PANK4: variants seen among roughly 807,000 people sequenced by gnomAD.
PANK4 encodes the protein pantothenate kinase 4 (inactive).
PANK4 carries 40 observed loss-of-function variants against 87.9 expected under a neutral mutation model. The ratio of observed to expected loss-of-function variants is 0.46; its 90% CI spans 0.35 to 0.59. The LOEUF (loss-of-function observed/expected upper bound fraction) is 0.59. Ranked by LOEUF, PANK4 falls within the 20% of genes least tolerant of loss-of-function variation. The pLI is 0.00. For missense variants in PANK4, 926 were observed against 1,072.3 expected, an observed-to-expected ratio of 0.86 and a Z score of 1.90; for synonymous variants, 524 against 467.4, an observed-to-expected ratio of 1.12 and a Z score of -1.56.
chr1:2,510,076 C>T lies in PANK4; in HGVS notation c.2020G>A (p.Gly674Ser), dbSNP rs752153802. The T allele has an allele frequency of 1.9e-6, 3 of 1,610,506 alleles. No individual in the cohort carries two copies. The highest frequency in any genetic ancestry group is 2.5e-6 in the Non-Finnish European group (3 of 1,178,828). The change falls in exon 17 of 19, where the codon GGC becomes AGC. Residue 674 changes from glycine to serine, a missense_variant. By Grantham distance (56) the Gly-to-Ser change is moderately conservative. Coordinates refer to ENST00000378466, the MANE Select transcript of PANK4 (RefSeq NM_018216.4). This position sits in a 1 kb window ranked among gnomAD's most constrained non-coding sequence, Gnocchi z 4.9. ...ACTCACTGCACGACAGGGTCCATGC[C>T]CGCAATACGCTCTGCCACGATGAGG... ...ESLIVAERIA[G>S]MDPVVHSALQ...
At chr1:2,511,602 G>A (rs1230453205) in intron 14 of PANK4, 26 bp downstream of exon 14, 3 of 1,546,806 alleles carry the variant, frequency 1.9e-6, no homozygotes, top group East Asian at 4.5e-5. Flanking sequence ...ACAAGGCAAG[G>A]CCCCAAGTTA....
intron 13 of PANK4, among the ~76,000 whole-genome samples, chr1:2,511,929 C>T (rs963649757): frequency 6.6e-6 from 1 of 152,200 alleles, no homozygotes; most frequent in Admixed American, 6.5e-5. Context: ...GAGGCAGCTG[C>T]TCAACGTGAA....
intron 11 of PANK4, 104 bp from the exon 12 acceptor site, chr1:2,514,193 A>G (rs774176025): frequency 1.9e-5 from 22 of 1,184,214 alleles, no homozygotes; most frequent in Non-Finnish European, 2.6e-5. Context: ...CCGGCAGTGC[A>G]AACGCTGCTT....
Position 2,510,475 on chromosome 1 carries a change from G to A in PANK4, c.1938+203C>T. On this transcript the variant is annotated intron_variant, in intron 16 of 18. Transcript: ENST00000378466. This position sits in a 1 kb window ranked among gnomAD's most constrained non-coding sequence, Gnocchi z 4.9. ...GCGTCAACCCTGGGCTTCAGCACAT[G>A]GACCCTCAGCCTGAGCCCAGGGGGC... The A allele has an allele frequency of 1.7e-6, 1 of 602,644 alleles. No homozygotes were observed. The highest frequency in any genetic ancestry group is 3.0e-6 in the Non-Finnish European group (1 of 338,724). The allele number at this position is 602,644 out of a possible 1,614,324, so 37.3% of individuals were successfully genotyped here.
intron 1 of PANK4, chr1:2,525,771 G>C (rs762111861): frequency 1.3e-5 from 2 of 152,362 alleles, no homozygotes; most frequent in Non-Finnish European, 2.9e-5. Flanking sequence ...GTCTGCAGCG[G>C]ACCCTGGAGA....
rs757754115 is a variant in PANK4 at position 2,519,826 on chromosome 1, G to A, written c.828C>T (p.Phe276=). 34 of 1,580,536 alleles carry A rather than the reference G, an allele frequency of 2.2e-5. No individual in the cohort carries two copies. Among genetic ancestry groups the A allele is most frequent in the Non-Finnish European group, 2.8e-5 (33 of 1,164,376 alleles). ...CTTGGTCGGCGGTGGCCGACTTCCC[G>A]AAGCTGCTGGCGATGAGGTTCCCGC... ...GLSGNLIASS[F]GKSATADQEF... is the part of the protein sequence containing the mutation. Residue 276 remains phenylalanine, a synonymous_variant, in exon 6 of 19, where the codon TTC becomes TTT. Transcript: ENST00000378466. The surrounding 1 kb of genome is among the most constrained non-coding windows in gnomAD (Gnocchi z 8.3).
At chr1:2,521,671 A>G (rs371545640) in intron 2 of PANK4, 47 bp downstream of exon 2, 1 of 1,433,574 alleles carries the variant, frequency 7.0e-7, no homozygotes, top group African/African-American at 1.4e-5. Context: ...GTCCAAGACG[A>G]CAGAGAAGCG....
chr1:2,508,838 T>C lies in PANK4; in HGVS notation c.*9A>G, dbSNP rs773976983. The stretch of plus-strand genomic sequence containing the variant: ...GTGACAAGCAGAAGAGTCCGGCAGC[T>C]GCAGCGCCTCACTCGGCTGGGACCT... On this transcript the variant is annotated 3_prime_UTR_variant, in exon 19 of 19. Transcript: ENST00000378466. This position sits in a 1 kb window ranked among gnomAD's most constrained non-coding sequence, Gnocchi z 5.1. 1.3e-6 allele frequency: 2 copies of C among 1,521,172 alleles called. No individual in the cohort carries two copies. The highest frequency in any genetic ancestry group is 4.6e-5 in the East Asian group (2 of 43,452). 94.2% of individuals were successfully genotyped at this position (1,521,172 alleles called of 1,614,324 possible). A position where few individuals can be genotyped will look rare whatever the true frequency, so the allele number is the denominator to read the frequency against.
At chr1:2,521,368 G>T in intron 2 of PANK4, 53 bp from the exon 3 acceptor site, 1 of 1,394,890 alleles carries the variant, frequency 7.2e-7, no homozygotes, top group Non-Finnish European at 1.0e-6. Context: ...GCGCCGGGCT[G>T]GGCTGTGCGC....
chr1:2,523,163 G>C (rs1643892481), intron 1 of PANK4, among the ~76,000 whole-genome samples: 4 of 152,208 alleles, frequency 2.6e-5, no homozygotes, highest in Admixed American at 2.6e-4. Context: ...GAAACACCAA[G>C]CAAACAGCCA....
At chr1:2,518,304 CCTTGATTCAAAAGCAGGAGAGTGGAG>C (rs1361385968) in intron 8 of PANK4, 40 bp from the exon 9 acceptor site, 1 of 1,423,646 alleles carries the variant, frequency 7.0e-7, no homozygotes, top group Non-Finnish European at 9.8e-7. Context: ...TTAACCTTGC[CCTTGATTCAAAAGCAGGAGAGTGGAG>C]GAGGAAAGGG....
At position 2,514,185 on chromosome 1, in the gene PANK4, G is replaced by A. The variant is rs539177206; in HGVS notation, c.1488-96C>T. 189 of 1,223,618 alleles carry A rather than the reference G, an allele frequency of 1.5e-4. 1 individual carries two copies. The African/African-American group carries it at 2.3e-3, about 15-fold the overall frequency. 75.8% of individuals were successfully genotyped at this position (1,223,618 alleles called of 1,614,324 possible). A position where few individuals can be genotyped will look rare whatever the true frequency, so the allele number is the denominator to read the frequency against. ...GTGCCACGGACGTCCTCAGGAGCCC[G>A]GCAGTGCAAACGCTGCTTGAGGCGG... is the stretch of plus-strand genomic sequence containing the variant. On this transcript the variant is annotated intron_variant, in intron 11 of 18. Transcript: ENST00000378466.
At chr1:2,517,033 G>A (rs1332708440) in intron 9 of PANK4, among the ~76,000 whole-genome samples, 8 of 152,334 alleles carry the variant, frequency 5.3e-5, no homozygotes, top group African/African-American at 9.6e-5. Context: ...CACTGTGGCC[G>A]TCCACGCAGT....
At position 2,510,005 on chromosome 1, in the gene PANK4, G is replaced by T; in HGVS notation, c.2039+52C>A. On this transcript the variant is annotated intron_variant, in intron 17 of 18. Coordinates refer to ENST00000378466, the MANE Select transcript of PANK4 (RefSeq NM_018216.4). The surrounding 1 kb of genome is among the most constrained non-coding windows in gnomAD (Gnocchi z 4.9). ...CAATCCCCATGGCCCACTCTGCCCA[G>T]CTGGTGCCCCTCCCCATCAAGGCCC... is the stretch of plus-strand genomic sequence containing the variant. 2 of 1,576,316 alleles carry T rather than the reference G, an allele frequency of 1.3e-6. No individual in the cohort carries two copies. The highest frequency in any genetic ancestry group is 1.7e-6 in the Non-Finnish European group (2 of 1,154,098).
chr1:2,524,728 T>C lies in PANK4; in HGVS notation c.124+1736A>G, dbSNP rs149316286. Among the ~76,000 whole-genome samples, 782 of 152,372 alleles carry C rather than the reference T, an allele frequency of 5.1e-3. 3 individuals are homozygous for C. Among genetic ancestry groups the C allele is most frequent in the Non-Finnish European group, 8.6e-3 (584 of 68,034 alleles). On this transcript the variant is annotated intron_variant, in intron 1 of 18. Transcript: ENST00000378466. Reference sequence around the variant, plus strand: ...TCCTGGCCATTCCCCAAGTGACTTATGCAGGTCAACTGCAATTGCATTTCA... The same window carrying C: ...TCCTGGCCATTCCCCAAGTGACTTACGCAGGTCAACTGCAATTGCATTTCA...
In PANK4 at chr1:2,517,717, G is replaced by A. The variant is rs576583331; in HGVS notation, c.1218+447C>T. Among the ~76,000 whole-genome samples, 3 of 152,374 alleles carry A rather than the reference G, an allele frequency of 2.0e-5. No individual in the cohort carries two copies. The East Asian group carries it at 5.8e-4, about 29-fold the overall frequency. On this transcript the variant is annotated intron_variant, in intron 9 of 18. Transcript: ENST00000378466. The stretch of plus-strand genomic sequence containing the variant: ...CAAGGAATGAGCCGGGACACCCCGA[G>A]GAGAGCAGACTGTAACCGACAGACC...
chr1:2,511,673 A>C lies in PANK4; in HGVS notation c.1738T>G (p.Ser580Ala), dbSNP rs757604804. The C allele has an allele frequency of 6.2e-7, 1 of 1,605,494 alleles. No homozygotes were observed. Among genetic ancestry groups the C allele is most frequent in the East Asian group, 2.2e-5 (1 of 44,848 alleles). The part of the protein sequence containing the change: ...GAKAVSAVLE[S>A]DPYFGFEEAK... ...TCTTCAAACCCAAAGTAGGGGTCGG[A>C]TTCAAGGACACTGCATGGAGGAGGA... Residue 580 changes from serine to alanine, a missense_variant, in exon 14 of 19, where the codon TCC (serine) becomes GCC (alanine). Transcript: ENST00000378466.
Position 2,519,833 on chromosome 1 carries a change from C to T in PANK4, c.821G>A (p.Ser274Asn). The T allele has an allele frequency of 1.3e-6, 2 of 1,580,326 alleles. No homozygotes were observed. Among genetic ancestry groups the T allele is most frequent in the Non-Finnish European group, 1.7e-6 (2 of 1,164,064 alleles). Reference sequence around the variant, plus strand: ...GGCGGTGGCCGACTTCCCGAAGCTGCTGGCGATGAGGTTCCCGCTCAGCCC... The same window carrying T: ...GGCGGTGGCCGACTTCCCGAAGCTGTTGGCGATGAGGTTCCCGCTCAGCCC... ...TLGLSGNLIA[S>N]SFGKSATADQ... The change falls in exon 6 of 19, where the codon AGC becomes AAC. Residue 274 changes from serine (S) to asparagine (N), a missense_variant. Transcript: ENST00000378466. This position sits in a 1 kb window ranked among gnomAD's most constrained non-coding sequence, Gnocchi z 8.3.
At chr1:2,516,701 G>C (rs1643784517) in intron 9 of PANK4, among the ~76,000 whole-genome samples, 1 of 152,194 alleles carries the variant, frequency 6.6e-6, no homozygotes, top group Non-Finnish European at 1.5e-5. Context: ...GCCCATGCCG[G>C]GCAGAAGCTC....
Sources: allele counts gnomAD v4.1 joint callset (sites outside exome capture counted in the v4.1 genomes callset), GRCh38; gene constraint gnomAD v4.1.1; non-coding constraint Gnocchi (gnomAD v3.1); transcripts MANE v1.5; gene names NCBI Gene and HGNC (gene_info 2026-07-23, HGNC 2026-07-21).